The following DLGAP2 variants were observed in gnomAD, a reference collection of about 807,000 sequenced individuals.
DLGAP2 encodes DLG associated protein 2, also known as disks large-associated protein 2.
In DLGAP2, 26 loss-of-function variants were observed where a neutral mutation model predicts 100.3. The ratio of observed to expected loss-of-function variants is 0.26; its 90% CI spans 0.19 to 0.36. DLGAP2 has a LOEUF of 0.36. Among genes scored for constraint, DLGAP2 ranks in the 10% least tolerant of loss-of-function variants. DLGAP2 has a pLI of 1.00. For synonymous variants in DLGAP2, 886 were observed against 630.1 expected, an observed-to-expected ratio of 1.41 and a Z score of -6.08; for missense variants, 1,858 against 1,453.2, an observed-to-expected ratio of 1.28 and a Z score of -4.53.
rs142972461 is a variant in DLGAP2, at chr8:1,697,260, G to C, written c.2910G>C (p.Arg970=). 49 of 1,610,196 alleles carry C rather than the reference G, an allele frequency of 3.0e-5. 1 individual carries two copies. In the African/African-American group the frequency reaches 5.3e-4, roughly 18 times the overall value. Residue 970 remains arginine, a synonymous_variant, in exon 14 of 15, where the codon CGG becomes CGC. Coordinates refer to ENST00000637795, the MANE Select transcript of DLGAP2 (RefSeq NM_001346810.2). ...AGTTCGACGAGCTGCAGCGGCTGCG[G>C]CTCAACGACTGGAAGATGATGGAGT... ...SMKFDELQRL[R]LNDWKMMESP...
chr8:1,665,983 C>G (rs989944640), intron 8 of DLGAP2, among the ~76,000 whole-genome samples: 1 of 152,184 alleles, frequency 6.6e-6, no homozygotes, highest in African/African-American at 2.4e-5. Flanking sequence ...GAAACACTGC[C>G]AGGAAAGGCG....
chr8:1,528,687 G>C (rs1239948314), intron 4 of DLGAP2, among the ~76,000 whole-genome samples: 1 of 152,216 alleles, frequency 6.6e-6, no homozygotes, highest in African/African-American at 2.4e-5. Context: ...GGACAGGTGA[G>C]TGGGTGACCA....
intron 1 of DLGAP2, among the ~76,000 whole-genome samples, chr8:896,941 T>C (rs1337137830): frequency 6.6e-6 from 1 of 152,150 alleles, no homozygotes; most frequent in East Asian, 1.9e-4. Flanking sequence ...TGCGTGTGCT[T>C]TGTAAGAGAT....
chr8:1,114,387 G>A (rs1585073246), intron 2 of DLGAP2, among the ~76,000 whole-genome samples: 1 of 152,040 alleles, frequency 6.6e-6, no homozygotes, highest in Non-Finnish European at 1.5e-5. Flanking sequence ...CTTGTTATTG[G>A]TCTGCTCAAG....
intron 2 of DLGAP2, among the ~76,000 whole-genome samples, chr8:955,166 A>C (rs1329612354): frequency 6.6e-6 from 1 of 152,000 alleles, no homozygotes; most frequent in African/African-American, 2.4e-5. Flanking sequence ...TGCTCATGGA[A>C]GCTCACCCGT....
intron 3 of DLGAP2, among the ~76,000 whole-genome samples, chr8:1,498,349 C>A (rs1799610619): frequency 6.6e-6 from 1 of 151,432 alleles, no homozygotes; most frequent in Non-Finnish European, 1.5e-5. Flanking sequence ...GTAGATTTTC[C>A]TGCACTATTT....
chr8:1,356,477 G>A lies in DLGAP2; in HGVS notation c.106+97594G>A, dbSNP rs1052212184. On this transcript the variant is annotated intron_variant, in intron 3 of 14. Coordinates refer to ENST00000637795, the MANE Select transcript of DLGAP2 (RefSeq NM_001346810.2). ...CTGCAGTGGGCGTCTCCAGGGCTGC[G>A]GACTCTGGGTCCTGGTTCTGTCTGT... is the stretch of plus-strand genomic sequence containing the variant. Among the ~76,000 whole-genome samples the A allele has an allele frequency of 3.9e-5, 6 of 152,182 alleles. No homozygotes were observed. In the East Asian group the frequency reaches 5.8e-4, roughly 15 times the overall value.
At chr8:916,857 G>A (rs1402114674) in intron 2 of DLGAP2, among the ~76,000 whole-genome samples, 1 of 152,156 alleles carries the variant, frequency 6.6e-6, no homozygotes, top group Non-Finnish European at 1.5e-5. Context: ...GAAGCCTGGA[G>A]TTGAGCTCCT....
chr8:1,416,148 G>T (rs545925356), intron 3 of DLGAP2, among the ~76,000 whole-genome samples: 9 of 152,290 alleles, frequency 5.9e-5, no homozygotes, highest in African/African-American at 1.9e-4. Context: ...AGTATTTTCA[G>T]TGCTCAGTTT....
intron 1 of DLGAP2, among the ~76,000 whole-genome samples, chr8:768,785 T>C (rs1166173829): frequency 6.6e-6 from 1 of 152,116 alleles, no homozygotes. Context: ...TTAAAAATGG[T>C]GCGCTTCCAT....
At position 952,184 on chromosome 8, in the gene DLGAP2, G is replaced by T. The variant is rs140463308; in HGVS notation, c.73+44218G>T. On this transcript the variant is annotated intron_variant, in intron 2 of 14. Transcript: ENST00000637795. Reference sequence around the variant, plus strand: ...CTTGTAAAATAATCCGACCCATTTTGCAGAGCTGAAAGGATGTGCCTCCTT... The same window carrying T: ...CTTGTAAAATAATCCGACCCATTTTTCAGAGCTGAAAGGATGTGCCTCCTT... Among the ~76,000 whole-genome samples, 209 of 152,310 alleles carry T rather than the reference G, an allele frequency of 1.4e-3. 1 individual carries two copies. The highest frequency in any genetic ancestry group is 4.9e-3 in the African/African-American group (205 of 41,574).
At position 1,069,063 on chromosome 8, in the gene DLGAP2, C is replaced by T. The variant is rs143661164; in HGVS notation, c.73+161097C>T. 6.6e-3 allele frequency among the ~76,000 whole-genome samples: 1,006 copies of T among 152,264 alleles called. 4 individuals carry two copies. The highest frequency in any genetic ancestry group is 0.011 in the Non-Finnish European group (732 of 68,010). On this transcript the variant is annotated intron_variant, in intron 2 of 14. Coordinates refer to ENST00000637795, the MANE Select transcript of DLGAP2 (RefSeq NM_001346810.2). ...ATTAAAAATCCCCGGCTGAAGTTGG[C>T]GGGTAGCACTGCCCTGCACTAGACA... is the stretch of plus-strand genomic sequence containing the variant.
At chr8:1,607,324 G>A (rs543537844) in intron 6 of DLGAP2, among the ~76,000 whole-genome samples, 1 of 152,246 alleles carries the variant, frequency 6.6e-6, no homozygotes, top group African/African-American at 2.4e-5. Context: ...ATGTTCATCA[G>A]TATGGATATA....
At chr8:1,333,096 G>T (rs1010081147) in intron 3 of DLGAP2, among the ~76,000 whole-genome samples, 2 of 152,166 alleles carry the variant, frequency 1.3e-5, no homozygotes, top group African/African-American at 4.8e-5. Context: ...TCATGCCTCC[G>T]GGCGGTCTGT....
intron 2 of DLGAP2, among the ~76,000 whole-genome samples, chr8:1,076,914 G>A (rs1381356180): frequency 8.2e-6 from 1 of 121,336 alleles, no homozygotes; most frequent in East Asian, 2.5e-4. Context: ...CCCCCCCCAA[G>A]ACCAAGAGGA....
chr8:1,155,270 C>A (rs1796760443), intron 2 of DLGAP2, among the ~76,000 whole-genome samples: 1 of 152,160 alleles, frequency 6.6e-6, no homozygotes, highest in Non-Finnish European at 1.5e-5. Context: ...CTTGTGGCTG[C>A]ACTCCGTCTT....
At chr8:870,738 G>C (rs1797581707) in intron 1 of DLGAP2, among the ~76,000 whole-genome samples, 1 of 152,090 alleles carries the variant, frequency 6.6e-6, no homozygotes, top group South Asian at 2.1e-4. Context: ...CATTCCCTGA[G>C]CCCCTGGAGT....
At chr8:851,934 C>T (rs1047965998) in intron 1 of DLGAP2, among the ~76,000 whole-genome samples, 3 of 152,142 alleles carry the variant, frequency 2.0e-5, no homozygotes, top group African/African-American at 7.2e-5. Context: ...CTCTTATTAG[C>T]GAGGACACTG....
intron 4 of DLGAP2, among the ~76,000 whole-genome samples, chr8:1,525,968 T>A (rs1800778040): frequency 6.6e-6 from 1 of 152,090 alleles, no homozygotes; most frequent in South Asian, 2.1e-4. Flanking sequence ...AGATTTGGAA[T>A]TTTTTTGGAA....
Sources: allele counts gnomAD v4.1 joint callset (sites outside exome capture counted in the v4.1 genomes callset), GRCh38; gene constraint gnomAD v4.1.1; transcripts MANE v1.5; gene names NCBI Gene and HGNC (gene_info 2026-07-23, HGNC 2026-07-21).